CENPS: variants seen among roughly 807,000 people sequenced by gnomAD.
The protein encoded by CENPS is centromere protein S, also known as FANCM associated histone fold protein 1.
Under a neutral mutation model 17.9 loss-of-function variants are expected in CENPS, and 16 were observed. That is an observed-to-expected ratio of 0.90 (90% CI 0.61 to 1.36). The LOEUF (loss-of-function observed/expected upper bound fraction) is 1.36, where lower values mean the gene tolerates loss of function less well. Ranked by LOEUF, CENPS falls within the 40% of genes most tolerant of loss-of-function variation. The pLI is 0.00. For synonymous variants in CENPS, 49 were observed against 55.8 expected, an observed-to-expected ratio of 0.88 and a Z score of 0.54; for missense variants, 160 against 158.6, an observed-to-expected ratio of 1.01 and a Z score of -0.05.
chr1:10,442,317 G>A lies in CENPS; in HGVS notation c.329G>A (p.Arg110Gln), dbSNP rs899576173. 4 of 1,605,526 alleles carry A rather than the reference G, an allele frequency of 2.5e-6. No individual in the cohort carries two copies. Among genetic ancestry groups the A allele is most frequent in the African/African-American group, 2.7e-5 (2 of 74,108 alleles). Residue 110 changes from arginine to glutamine, a missense_variant, in exon 5 of 5, where the codon CGA (arginine) becomes CAA (glutamine). By Grantham distance (43) the Arg-to-Gln change is conservative. Transcript: ENST00000309048. Reference protein sequence around the residue: ...SEEIAQINLERKAQKKKKSED... With the variant: ...SEEIAQINLEQKAQKKKKSED... The stretch of plus-strand genomic sequence containing the variant: ...GAGATTGCTCAGATTAACCTAGAAC[G>A]AAAAGCACAGAAGAAAAAGAAGTCA...
intron 3 of CENPS, among the ~76,000 whole-genome samples, chr1:10,435,811 A>G (rs1476193607): frequency 6.6e-6 from 1 of 151,916 alleles, no homozygotes; most frequent in Non-Finnish European, 1.5e-5. Context: ...TCCTGTGCTC[A>G]AGCAATCCTG....
chr1:10,434,051 C>G, intron 2 of CENPS, 86 bp downstream of exon 2: 1 of 1,577,770 alleles, frequency 6.3e-7, no homozygotes, highest in South Asian at 1.2e-5. Flanking sequence ...GGAGCTGTGG[C>G]GAGTCTGACC....
chr1:10,442,002 G>C (rs1640436007), intron 4 of CENPS, among the ~76,000 whole-genome samples: 1 of 152,074 alleles, frequency 6.6e-6, no homozygotes, highest in African/African-American at 2.4e-5. Flanking sequence ...ACTTTGGGAG[G>C]CCAAGGCAGG....
At chr1:10,433,993 G>A (rs1025242213) in intron 2 of CENPS, 28 bp downstream of exon 2, 1 of 1,613,828 alleles carries the variant, frequency 6.2e-7, no homozygotes, top group South Asian at 1.1e-5. Context: ...CCCCAGCCAT[G>A]TCTGTAAACC....
At chr1:10,431,134 T>C (rs1490745703) in intron 1 of CENPS, 1 of 1,429,054 alleles carries the variant, frequency 7.0e-7, no homozygotes, top group Non-Finnish European at 9.1e-7. Flanking sequence ...GTCATAAGAA[T>C]AATCACTTGT....
chr1:10,438,875 G>C (rs1326829826), intron 3 of CENPS, among the ~76,000 whole-genome samples: 1 of 152,202 alleles, frequency 6.6e-6, no homozygotes, highest in Non-Finnish European at 1.5e-5. Context: ...AATACAGACA[G>C]AGCAGCCTGG....
intron 3 of CENPS, chr1:10,440,144 C>T: frequency 1.6e-6 from 1 of 637,842 alleles, no homozygotes; most frequent in South Asian, 2.2e-5. Context: ...AGATGGGCCT[C>T]CGCATTCTCC....
chr1:10,432,845 T>TG (rs1639983085), intron 1 of CENPS, among the ~76,000 whole-genome samples: 1 of 152,166 alleles, frequency 6.6e-6, no homozygotes, highest in African/African-American at 2.4e-5. Flanking sequence ...TAGTGTGCAG[T>TG]GATCACACCT....
intron 1 of CENPS, 53 bp from the exon 2 acceptor site, chr1:10,433,788 GA>G: frequency 6.2e-7 from 1 of 1,609,786 alleles, no homozygotes; most frequent in Non-Finnish European, 8.5e-7. Context: ...TTTAAGGCGT[GA>G]AAAGCTCTTA....
chr1:10,438,875 G>T (rs1326829826), intron 3 of CENPS, among the ~76,000 whole-genome samples: 1 of 152,202 alleles, frequency 6.6e-6, no homozygotes, highest in Admixed American at 6.5e-5. Context: ...AATACAGACA[G>T]AGCAGCCTGG....
intron 1 of CENPS, among the ~76,000 whole-genome samples, chr1:10,433,111 G>T (rs1257549021): frequency 6.6e-6 from 1 of 152,156 alleles, no homozygotes; most frequent in South Asian, 2.1e-4. Context: ...CTTCGGCCCC[G>T]AGGCGGAGTA....
intron 2 of CENPS, among the ~76,000 whole-genome samples, chr1:10,434,190 CTTTAT>C (rs1348759813): frequency 1.3e-5 from 2 of 152,156 alleles, no homozygotes; most frequent in Non-Finnish European, 2.9e-5. Flanking sequence ...GCATTAACGC[CTTTAT>C]TTTATTGTTT....
chr1:10,433,313 G>A (rs1045543554), intron 1 of CENPS, among the ~76,000 whole-genome samples: 17 of 152,184 alleles, frequency 1.1e-4, no homozygotes, highest in African/African-American at 4.1e-4. Flanking sequence ...CCTCCAAATC[G>A]AGAGGGGTGG....
chr1:10,441,058 G>A (rs911065109), intron 4 of CENPS, among the ~76,000 whole-genome samples: 8 of 152,198 alleles, frequency 5.3e-5, no homozygotes, highest in African/African-American at 1.4e-4. Context: ...TGCCTAGAAC[G>A]CACCTGTGTG....
chr1:10,442,205 G>A (rs1640446089), intron 4 of CENPS, 60 bp from the exon 5 acceptor site: 1 of 1,521,384 alleles, frequency 6.6e-7, no homozygotes, highest in Non-Finnish European at 8.7e-7. Flanking sequence ...TCGTTTGTTT[G>A]TTTATTTAGG....
At chr1:10,441,863 G>C (rs1165393884) in intron 4 of CENPS, among the ~76,000 whole-genome samples, 2 of 151,744 alleles carry the variant, frequency 1.3e-5, no homozygotes, top group Non-Finnish European at 2.9e-5. Context: ...CTGAGCTCGT[G>C]ATCTGTCTGC....
In CENPS at chr1:10,434,082, A is replaced by G. The variant is rs1477764812; in HGVS notation, c.175+117A>G. The G allele has an allele frequency of 9.8e-6, 15 of 1,529,178 alleles. No homozygotes were observed. The African/African-American group carries it at 1.4e-4, about 14-fold the overall frequency. 94.7% of individuals were successfully genotyped at this position (1,529,178 alleles called of 1,614,324 possible). On this transcript the variant is annotated intron_variant, in intron 2 of 4. Transcript: ENST00000309048. ...TGACCAGCAGACCAAGAATATTATC[A>G]TCCTCATGCGTTCTTCGTGAAACAC...
At chr1:10,431,944 C>G (rs927283234) in intron 1 of CENPS, among the ~76,000 whole-genome samples, 1 of 151,462 alleles carries the variant, frequency 6.6e-6, no homozygotes, top group African/African-American at 2.4e-5. Flanking sequence ...TGATAAAACT[C>G]TATTGAATGT....
chr1:10,430,734 C>T (rs1639867897), intron 1 of CENPS, 166 bp downstream of exon 1: 4 of 1,404,678 alleles, frequency 2.8e-6, no homozygotes, highest in Admixed American at 3.4e-5. Flanking sequence ...TGCTGGGAGG[C>T]GGTTTCCGCG....
Sources: allele counts gnomAD v4.1 joint callset (sites outside exome capture counted in the v4.1 genomes callset), GRCh38; gene constraint gnomAD v4.1.1; transcripts MANE v1.5; gene names NCBI Gene and HGNC (gene_info 2026-07-23, HGNC 2026-07-21).